The following LOXL2 variants were observed in gnomAD, a reference collection of about 807,000 sequenced individuals.
LOXL2 encodes lysyl oxidase like 2, also known as lysyl oxidase homolog 2.
LOXL2 carries 70 observed loss-of-function variants against 93.0 expected under a neutral mutation model. The ratio of observed to expected loss-of-function variants is 0.75; its 90% CI spans 0.62 to 0.92. The LOEUF (loss-of-function observed/expected upper bound fraction) is 0.92, where lower values mean the gene tolerates loss of function less well. LOXL2 is among the 40% of genes least tolerant of loss of function. The pLI, the probability that LOXL2 is intolerant of heterozygous loss-of-function variation, is 0.00. For missense variants in LOXL2, 973 were observed against 1,054.9 expected, an observed-to-expected ratio of 0.92 and a Z score of 1.08; for synonymous variants, 438 against 413.2, an observed-to-expected ratio of 1.06 and a Z score of -0.73.
chr8:23,338,225 C>T (rs926135358), intron 4 of LOXL2, among the ~76,000 whole-genome samples: 5 of 152,236 alleles, frequency 3.3e-5, no homozygotes, highest in Admixed American at 6.5e-5. Flanking sequence ...GTCCCTCCCA[C>T]GACATGTGGG....
intron 3 of LOXL2, among the ~76,000 whole-genome samples, chr8:23,344,800 G>A (rs1302343454): frequency 6.6e-6 from 1 of 152,150 alleles, no homozygotes; most frequent in African/African-American, 2.4e-5. Flanking sequence ...AAACAGTCAG[G>A]ACACCATTCG....
intron 2 of LOXL2, among the ~76,000 whole-genome samples, chr8:23,361,789 G>A (rs1053898312): frequency 6.6e-6 from 1 of 152,086 alleles, no homozygotes; most frequent in Non-Finnish European, 1.5e-5. Flanking sequence ...GCAGTGAGCT[G>A]AGATCACACC....
intron 3 of LOXL2, among the ~76,000 whole-genome samples, chr8:23,358,667 A>T (rs1804237206): frequency 6.6e-6 from 1 of 152,218 alleles, no homozygotes. Context: ...AACTGTTTGG[A>T]TAAAGAATTT....
Position 23,360,276 on chromosome 8 carries a change from C to CAGAGAGG in LOXL2, c.356-18_356-12dup, listed in dbSNP as rs1563201696. 6.3e-7 allele frequency: 1 copy of CAGAGAGG among 1,585,958 alleles called. No individual in the cohort carries two copies. The highest frequency in any genetic ancestry group is 8.6e-7 in the Non-Finnish European group (1 of 1,158,674). ...CTAACCAGATGGGCCCTGAAGGAGG[C>CAGAGAGG]AGAGAGGAGAGAAACCAAGTGCTGC... On this transcript the variant is annotated splice_polypyrimidine_tract_variant and intron_variant, in intron 2 of 13. Transcript: ENST00000389131.
chr8:23,327,664 A>T (rs1803602364), intron 6 of LOXL2, among the ~76,000 whole-genome samples: 1 of 152,058 alleles, frequency 6.6e-6, no homozygotes, highest in Non-Finnish European at 1.5e-5. Flanking sequence ...TTCGGGGTAA[A>T]ATCTCCCCCT....
chr8:23,302,167 CG>C lies in LOXL2; in HGVS notation c.1997-5del. On this transcript the variant is annotated splice_polypyrimidine_tract_variant and splice_region_variant and intron_variant, in intron 11 of 13. Transcript: ENST00000389131. ...CACTCGTAATTCTTCTGGATGTCTG[CG>C]GGCAGGGTAGAGGAGAGCTCATCAC... 1 of 1,614,094 alleles carries C rather than the reference CG, an allele frequency of 6.2e-7. No individual in the cohort carries two copies. Among genetic ancestry groups the C allele is most frequent in the Non-Finnish European group, 8.5e-7 (1 of 1,179,966 alleles).
At chr8:23,324,112 AGT>A in intron 6 of LOXL2, among the ~76,000 whole-genome samples, 1 of 152,314 alleles carries the variant, frequency 6.6e-6, no homozygotes, top group South Asian at 2.1e-4. Context: ...GCACTCAAAC[AGT>A]GTTTGTGGAT....
chr8:23,373,197 G>T (rs2117218396), intron 1 of LOXL2, among the ~76,000 whole-genome samples: 1 of 152,268 alleles, frequency 6.6e-6, no homozygotes, highest in East Asian at 1.9e-4. Context: ...TATACCTCAG[G>T]CCCTGCTGGG....
At chr8:23,319,348 G>A (rs1763862589) in intron 8 of LOXL2, among the ~76,000 whole-genome samples, 1 of 152,230 alleles carries the variant, frequency 6.6e-6, no homozygotes, top group African/African-American at 2.4e-5. Context: ...TTGGAGAGGG[G>A]GCAGTGGGAG....
At chr8:23,353,046 T>G (rs1804122276) in intron 3 of LOXL2, among the ~76,000 whole-genome samples, 2 of 146,892 alleles carry the variant, frequency 1.4e-5, no homozygotes, top group Non-Finnish European at 1.5e-5. Flanking sequence ...TGGGGAGGGA[T>G]GGGGTGAAGA....
chr8:23,334,859 C>T (rs921404672), intron 4 of LOXL2, among the ~76,000 whole-genome samples: 1 of 151,538 alleles, frequency 6.6e-6, no homozygotes, highest in South Asian at 2.1e-4. Context: ...CTCTGTTGCC[C>T]AGGCTGGAGT....
At chr8:23,334,235 C>T (rs187818089) in intron 4 of LOXL2, among the ~76,000 whole-genome samples, 106 of 152,300 alleles carry the variant, frequency 7.0e-4, no homozygotes, top group African/African-American at 1.7e-3. Flanking sequence ...GACGGGGTTT[C>T]GCCATGTTGG....
At chr8:23,380,589 A>C (rs978986605) in intron 1 of LOXL2, among the ~76,000 whole-genome samples, 1 of 152,068 alleles carries the variant, frequency 6.6e-6, no homozygotes, top group Non-Finnish European at 1.5e-5. Context: ...GGATTGTAAC[A>C]TATTAAACCC....
At chr8:23,383,541 A>T (rs564131210) in intron 1 of LOXL2, among the ~76,000 whole-genome samples, 1 of 152,012 alleles carries the variant, frequency 6.6e-6, no homozygotes, top group East Asian at 1.9e-4. Flanking sequence ...CTCTGACCTA[A>T]TTACATTGGA....
intron 2 of LOXL2, among the ~76,000 whole-genome samples, chr8:23,360,548 C>T (rs1585370022): frequency 6.6e-6 from 1 of 152,102 alleles, no homozygotes; most frequent in Non-Finnish European, 1.5e-5. Context: ...GTGGAAAGAG[C>T]GGGGCTTTGG....
At chr8:23,325,334 C>T (rs2117163137) in intron 6 of LOXL2, among the ~76,000 whole-genome samples, 1 of 152,306 alleles carries the variant, frequency 6.6e-6, no homozygotes, top group African/African-American at 2.4e-5. Context: ...CTATGTCACT[C>T]AAGCTGGAGT....
chr8:23,385,873 TC>T, intron 1 of LOXL2: 2 of 729,938 alleles, frequency 2.7e-6, no homozygotes, highest in Non-Finnish European at 5.0e-6. Flanking sequence ...CGTTCTTTTT[TC>T]TTTTTGTACT....
rs138135291 is a variant in LOXL2 at position 23,360,549 on chromosome 8, G to A, written c.356-284C>T. ...AGTTGCATGGGATAGTGGAAAGAGCGGGGCTTTGGGTACCAAGCTGGGTTT... is the reference window on the plus strand; with the variant it reads ...AGTTGCATGGGATAGTGGAAAGAGCAGGGCTTTGGGTACCAAGCTGGGTTT... On this transcript the variant is annotated intron_variant, in intron 2 of 13. Coordinates refer to ENST00000389131, the MANE Select transcript of LOXL2 (RefSeq NM_002318.3). Among the ~76,000 whole-genome samples the A allele has an allele frequency of 1.7e-3, 257 of 152,272 alleles. 1 individual carries two copies. Among genetic ancestry groups the A allele is most frequent in the African/African-American group, 5.8e-3 (239 of 41,550 alleles).
intron 2 of LOXL2, among the ~76,000 whole-genome samples, chr8:23,366,299 G>T (rs565552307): frequency 2.9e-4 from 44 of 152,360 alleles, no homozygotes; most frequent in African/African-American, 9.1e-4. Context: ...CCCAGCATTT[G>T]CTAACTTCAC....
Sources: gnomAD v4.1 joint callset for allele counts (sites outside exome capture counted in the v4.1 genomes callset) on GRCh38, gnomAD v4.1.1 for gene constraint, MANE v1.5 for transcripts, NCBI Gene and HGNC (gene_info 2026-07-23, HGNC 2026-07-21) for gene names.